The following FSBP variants were observed in gnomAD, a reference collection of about 807,000 sequenced individuals.
The protein encoded by FSBP is fibrinogen silencer-binding protein.
A neutral mutation model predicts 24.6 loss-of-function variants in FSBP; 18 were observed. That is an observed-to-expected ratio of 0.73 (90% CI 0.51 to 1.08). The LOEUF (loss-of-function observed/expected upper bound fraction) is 1.08, where lower values mean the gene tolerates loss of function less well. Among genes scored for constraint, FSBP ranks in the 50% least tolerant of loss-of-function variants. The pLI is 0.00. For synonymous variants in FSBP, 110 were observed against 125.8 expected (o/e 0.87, Z 0.84); for missense variants, 305 against 347.6 (o/e 0.88, Z 0.98).
At position 94,432,347 on chromosome 8, in the gene FSBP, T is replaced by C. The variant is rs1176298136; in HGVS notation, c.684A>G (p.Leu228=). The part of the protein sequence containing the change: ...RHESGEHFRS[L]LGYDPQILQM... ...GCAGGATCTGAGGATCATACCCTAATAGTGACCTAAAGTGTTCACCACTCT... is the reference window on the plus strand; with the variant it reads ...GCAGGATCTGAGGATCATACCCTAACAGTGACCTAAAGTGTTCACCACTCT... The change falls in exon 2 of 2, where the codon CTA becomes CTG. Residue 228 remains leucine (L), a synonymous_variant. Transcript: ENST00000481490. 5 of 1,550,256 alleles carry C rather than the reference T, an allele frequency of 3.2e-6. No homozygotes were observed. In the Admixed American group the frequency reaches 9.8e-5, roughly 30 times the overall value.
In FSBP at chr8:94,427,991, T is replaced by C; in HGVS notation, c.*4140A>G. 1.1e-6 allele frequency: 1 copy of C among 927,986 alleles called. No individual in the cohort carries two copies. The allele number at this position is 927,986 out of a possible 1,614,324, so 57.5% of individuals were successfully genotyped here. A position where few individuals can be genotyped will look rare whatever the true frequency, so the allele number is the denominator to read the frequency against. On this transcript the variant is annotated 3_prime_UTR_variant, in exon 2 of 2. Transcript: ENST00000481490. ...TCATCATACACAAAAGAAAAATACT[T>C]GACTATTTTAAGAAATCTGGTATTC...
chr8:94,430,260 A>G lies in FSBP; in HGVS notation c.*1871T>C. The G allele has an allele frequency of 1.2e-6, 1 of 844,888 alleles. No individual in the cohort carries two copies. The highest frequency in any genetic ancestry group is 1.4e-6 in the Non-Finnish European group (1 of 702,560). The allele number at this position is 844,888 out of a possible 1,614,324, so 52.3% of individuals were successfully genotyped here. On this transcript the variant is annotated 3_prime_UTR_variant, in exon 2 of 2. Transcript: ENST00000481490. ...CAGGAAACGGAGATTGCAGTGAGCC[A>G]ACATCGCACCACTGCACTCCAACCT... is the stretch of plus-strand genomic sequence containing the variant.
chr8:94,430,927 G>C lies in FSBP; in HGVS notation c.*1204C>G. On this transcript the variant is annotated 3_prime_UTR_variant, in exon 2 of 2. Transcript: ENST00000481490. ...AAATCAATGGCTTAGCACTGCATTTGTGCTTATATACTCAATCCACTTTTT... is the reference window on the plus strand; with the variant it reads ...AAATCAATGGCTTAGCACTGCATTTCTGCTTATATACTCAATCCACTTTTT... The C allele has an allele frequency of 2.0e-6, 2 of 985,308 alleles. No individual in the cohort carries two copies. Among genetic ancestry groups the C allele is most frequent in the South Asian group, 9.4e-5 (2 of 21,280 alleles). 61.0% of individuals were successfully genotyped at this position (985,308 alleles called of 1,614,324 possible).
At position 94,432,317 on chromosome 8, in the gene FSBP, C is replaced by T; in HGVS notation, c.714G>A (p.Met238Ile). 6.5e-7 allele frequency: 1 copy of T among 1,550,310 alleles called. No individual in the cohort carries two copies. The highest frequency in any genetic ancestry group is 8.7e-7 in the Non-Finnish European group (1 of 1,146,842). Residue 238 changes from methionine to isoleucine, a missense_variant, in exon 2 of 2, where the codon ATG (methionine) becomes ATA (isoleucine). Coordinates refer to ENST00000481490, the MANE Select transcript of FSBP (RefSeq NM_001256141.2). Reference protein sequence around the residue: ...LLGYDPQILQMLKEEHQIILE... With the variant: ...LLGYDPQILQILKEEHQIILE... ...AAATTATCTGATGCTCCTCTTTCAA[C>T]ATTTGCAGGATCTGAGGATCATACC...
intron 1 of FSBP, among the ~76,000 whole-genome samples, chr8:94,434,189 T>C (rs187178017): frequency 2.1e-3 from 320 of 152,014 alleles, no homozygotes; most frequent in African/African-American, 7.1e-3. Flanking sequence ...ATTAAGTTTT[T>C]AAAACCACAT....
Position 94,429,542 on chromosome 8 carries a change from G to C in FSBP, c.*2589C>G, listed in dbSNP as rs1586163119. ...CTTAGTAGCATGCTGAAACTGTAAA[G>C]TGAATTACATCTCATATATGTGCTT... is the stretch of plus-strand genomic sequence containing the variant. On this transcript the variant is annotated 3_prime_UTR_variant, in exon 2 of 2. Coordinates refer to ENST00000481490, the MANE Select transcript of FSBP (RefSeq NM_001256141.2). 1.0e-6 allele frequency: 1 copy of C among 983,976 alleles called. No homozygotes were observed. 61.0% of individuals were successfully genotyped at this position (983,976 alleles called of 1,614,324 possible). A position where few individuals can be genotyped will look rare whatever the true frequency, so the allele number is the denominator to read the frequency against.
At chr8:94,434,658 T>G (rs898073356) in intron 1 of FSBP, among the ~76,000 whole-genome samples, 1 of 151,234 alleles carries the variant, frequency 6.6e-6, no homozygotes, top group Non-Finnish European at 1.5e-5. Flanking sequence ...ATTATTAAGA[T>G]TCAAGGATGA....
rs948880737 is a variant in FSBP, at chr8:94,428,019, T to C, written c.*4112A>G. 11 of 935,744 alleles carry C rather than the reference T, an allele frequency of 1.2e-5. No individual in the cohort carries two copies. The African/African-American group carries it at 2.0e-4, about 17-fold the overall frequency. 58.0% of individuals were successfully genotyped at this position (935,744 alleles called of 1,614,324 possible). Reference sequence around the variant, plus strand: ...CTATTTTAAGAAATCTGGTATTCGTTAGAAATGAGTTTCACTGACTTTTCT... The same window carrying C: ...CTATTTTAAGAAATCTGGTATTCGTCAGAAATGAGTTTCACTGACTTTTCT... On this transcript the variant is annotated 3_prime_UTR_variant, in exon 2 of 2. Transcript: ENST00000481490.
Position 94,432,394 on chromosome 8 carries a change from T to C in FSBP, c.637A>G (p.Arg213Gly), listed in dbSNP as rs1812125474. The part of the protein sequence containing the change: ...MTSSPSSIPR[R>G]DDFFRHESGE... ...CTCTCATGCCGAAAAAAATCATCTC[T>C]CCTTGGAATAGAAGATGGAGACGAT... Residue 213 changes from arginine (R) to glycine (G), a missense_variant, in exon 2 of 2, where the codon AGA becomes GGA. By Grantham distance (125) the Arg-to-Gly change is moderately radical. Coordinates refer to ENST00000481490, the MANE Select transcript of FSBP (RefSeq NM_001256141.2). 6.4e-7 allele frequency: 1 copy of C among 1,550,412 alleles called. No individual in the cohort carries two copies. The highest frequency in any genetic ancestry group is 8.7e-7 in the Non-Finnish European group (1 of 1,146,880).
intron 1 of FSBP, among the ~76,000 whole-genome samples, chr8:94,435,820 C>T (rs1812239785): frequency 6.6e-6 from 1 of 151,900 alleles, no homozygotes; most frequent in African/African-American, 2.4e-5. Flanking sequence ...CAAAGTGAAA[C>T]TAGACTATTA....
At chr8:94,436,425 C>G (rs1812263914) in intron 1 of FSBP, 70 bp downstream of exon 1, 2 of 1,449,064 alleles carry the variant, frequency 1.4e-6, no homozygotes, top group Non-Finnish European at 1.8e-6. Flanking sequence ...ATATCTCTAT[C>G]ACGACTAAGC....
At position 94,431,050 on chromosome 8, in the gene FSBP, G is replaced by A; in HGVS notation, c.*1081C>T. ...TTACACCCACCCCATTCTACAACTT[G>A]GCTTAAAAATCCCTTCTCAACAAAA... On this transcript the variant is annotated 3_prime_UTR_variant, in exon 2 of 2. Coordinates refer to ENST00000481490, the MANE Select transcript of FSBP (RefSeq NM_001256141.2). 1.0e-6 allele frequency: 1 copy of A among 984,866 alleles called. No individual in the cohort carries two copies. The allele number at this position is 984,866 out of a possible 1,614,324, so 61.0% of individuals were successfully genotyped here.
In FSBP at chr8:94,432,377, C is replaced by A. The variant is rs1409371345; in HGVS notation, c.654G>T (p.Arg218=). 1 of 1,550,194 alleles carries A rather than the reference C, an allele frequency of 6.5e-7. No homozygotes were observed. Among genetic ancestry groups the A allele is most frequent in the Non-Finnish European group, 8.7e-7 (1 of 1,146,872 alleles). Residue 218 remains arginine, a synonymous_variant, in exon 2 of 2, where the codon CGG becomes CGT. Transcript: ENST00000481490. ...SSIPRRDDFF[R]HESGEHFRSL... is the part of the protein sequence containing the mutation. ...ACCTAAAGTGTTCACCACTCTCATG[C>A]CGAAAAAAATCATCTCTCCTTGGAA...
rs1039794440 is a variant in FSBP at position 94,430,610 on chromosome 8, G to A, written c.*1521C>T. 1 of 603,900 alleles carries A rather than the reference G, an allele frequency of 1.7e-6. No homozygotes were observed. The highest frequency in any genetic ancestry group is 2.0e-5 in the African/African-American group (1 of 49,418). The allele number at this position is 603,900 out of a possible 1,614,324, so 37.4% of individuals were successfully genotyped here. On this transcript the variant is annotated 3_prime_UTR_variant, in exon 2 of 2. Coordinates refer to ENST00000481490, the MANE Select transcript of FSBP (RefSeq NM_001256141.2). ...CAAGTGATGCTGATGCTGCTGGTCAGGACCCATACTTGGAAAACCATTGGT... is the reference window on the plus strand; with the variant it reads ...CAAGTGATGCTGATGCTGCTGGTCAAGACCCATACTTGGAAAACCATTGGT...
rs1446153870 is a variant in FSBP, at chr8:94,432,474, T to C, written c.557A>G (p.His186Arg). The C allele has an allele frequency of 1.3e-6, 2 of 1,550,542 alleles. No individual in the cohort carries two copies. Among genetic ancestry groups the C allele is most frequent in the Non-Finnish European group, 1.7e-6 (2 of 1,146,880 alleles). Reference sequence around the variant, plus strand: ...AGGCGACAAGGATCTTTCCATAACATGTACTAATTCATGTTCTTCTCTTTG... The same window carrying C: ...AGGCGACAAGGATCTTTCCATAACACGTACTAATTCATGTTCTTCTCTTTG... ...LEQREEHELVHVMERSLSPSL... is the reference protein window; with the variant it reads ...LEQREEHELVRVMERSLSPSL... The change falls in exon 2 of 2, where the codon CAT becomes CGT. Residue 186 changes from histidine (H) to arginine (R), a missense_variant. Coordinates refer to ENST00000481490, the MANE Select transcript of FSBP (RefSeq NM_001256141.2).
rs1812281308 is a variant in FSBP at position 94,436,941 on chromosome 8, A to C, written c.-73T>G. 1 of 1,451,394 alleles carries C rather than the reference A, an allele frequency of 6.9e-7. No individual in the cohort carries two copies. Among genetic ancestry groups the C allele is most frequent in the African/African-American group, 1.4e-5 (1 of 69,462 alleles). 89.9% of individuals were successfully genotyped at this position (1,451,394 alleles called of 1,614,324 possible). On this transcript the variant is annotated 5_prime_UTR_variant, in exon 1 of 2. Transcript: ENST00000481490. ...TTCAGCTCTGCTCAGCTCTTTTCAC[A>C]AACAGAAAAAGATCAGGCTTAACTA... is the stretch of plus-strand genomic sequence containing the variant.
At chr8:94,436,041 G>A (rs542267044) in intron 1 of FSBP, among the ~76,000 whole-genome samples, 1 of 152,096 alleles carries the variant, frequency 6.6e-6, no homozygotes, top group Admixed American at 6.6e-5. Context: ...TTCAATAAGT[G>A]TAGACAATGA....
At chr8:94,435,654 C>T (rs1326532301) in intron 1 of FSBP, among the ~76,000 whole-genome samples, 1 of 152,004 alleles carries the variant, frequency 6.6e-6, no homozygotes, top group African/African-American at 2.4e-5. Context: ...TTTGAAAATT[C>T]CAAGGCAAAT....
intron 1 of FSBP, 83 bp from the exon 2 acceptor site, chr8:94,432,739 A>G: frequency 1.5e-6 from 2 of 1,362,034 alleles, no homozygotes; most frequent in Non-Finnish European, 1.9e-6. Context: ...AATTTAATGT[A>G]CATTAAATGA....
Sources: gnomAD v4.1 joint callset for allele counts (sites outside exome capture counted in the v4.1 genomes callset) on GRCh38, gnomAD v4.1.1 for gene constraint, MANE v1.5 for transcripts, NCBI Gene and HGNC (gene_info 2026-07-23, HGNC 2026-07-21) for gene names.